The following NLGN4X variants were observed in gnomAD, a reference collection of about 807,000 sequenced individuals.
The protein encoded by NLGN4X is neuroligin-4, X-linked.
Under a neutral mutation model 40.3 loss-of-function variants are expected in NLGN4X, and 3 were observed. The observed-to-expected ratio is 0.07, with a 90% confidence interval of 0.03 to 0.19. NLGN4X has a LOEUF of 0.19. Ranked by LOEUF, NLGN4X falls within the 10% of genes least tolerant of loss-of-function variation. The probability of loss-of-function intolerance (pLI) is 1.00; values close to 1 mark genes in which losing one functional copy is unlikely to be tolerated. For synonymous variants in NLGN4X, 270 were observed against 306.8 expected, an observed-to-expected ratio of 0.88 and a Z score of 1.25; for missense variants, 382 against 708.3, an observed-to-expected ratio of 0.54 and a Z score of 5.23.
chrX:6,188,717 T>C (rs769216787), intron 1 of NLGN4X, among the ~76,000 whole-genome samples: 4 of 111,781 alleles, frequency 3.6e-5, no homozygotes, highest in South Asian at 3.7e-4. Context: ...CCTAGAATTA[T>C]CCTGATCATC....
At chrX:6,054,870 C>T in intron 2 of NLGN4X, among the ~76,000 whole-genome samples, 1 of 111,529 alleles carries the variant, frequency 9.0e-6, no homozygotes. Context: ...GTTGGTCAGG[C>T]TAGTCTCGAA....
At chrX:6,127,122 G>A (rs186853577) in intron 2 of NLGN4X, among the ~76,000 whole-genome samples, 43 of 111,284 alleles carry the variant, frequency 3.9e-4, no homozygotes, top group Admixed American at 2.4e-3. Flanking sequence ...CAGGTAATCC[G>A]GAGGGCAGAA....
intron 1 of NLGN4X, among the ~76,000 whole-genome samples, chrX:6,208,884 C>G (rs1569299583): frequency 1.8e-5 from 2 of 111,890 alleles, no homozygotes; most frequent in African/African-American, 3.2e-5. Context: ...TACTGGGTAT[C>G]TACGCAAATA....
intron 1 of NLGN4X, among the ~76,000 whole-genome samples, chrX:6,213,120 C>T (rs1207139732): frequency 9.3e-6 from 1 of 107,342 alleles, no homozygotes; most frequent in Non-Finnish European, 1.9e-5. Context: ...AGAAAAGTGA[C>T]AAACTCTCTG....
chrX:6,123,993 A>AAAGATATATTT (rs1007919534), intron 2 of NLGN4X, among the ~76,000 whole-genome samples: 2 of 111,272 alleles, frequency 1.8e-5, no homozygotes, highest in African/African-American at 6.5e-5. Flanking sequence ...ATATTGTTGA[A>AAAGATATATTT]AAGATATATT....
At chrX:6,095,842 T>G (rs192472165) in intron 2 of NLGN4X, among the ~76,000 whole-genome samples, 10 of 111,914 alleles carry the variant, frequency 8.9e-5, no homozygotes, top group Admixed American at 1.9e-4. Context: ...AGTGCTAATG[T>G]GGACAAACCC....
At chrX:5,965,840 A>G (rs1037442238) in intron 3 of NLGN4X, among the ~76,000 whole-genome samples, 10 of 112,192 alleles carry the variant, frequency 8.9e-5, no homozygotes, top group African/African-American at 2.6e-4. Context: ...CAACATATAT[A>G]TAAGTGGTTG....
intron 3 of NLGN4X, among the ~76,000 whole-genome samples, chrX:5,992,906 A>G (rs1486144208): frequency 9.0e-6 from 1 of 111,513 alleles, no homozygotes; most frequent in Non-Finnish European, 1.9e-5. Flanking sequence ...AATGACCCAA[A>G]TGCCTCCCAC....
At chrX:6,103,546 T>C (rs999049099) in intron 2 of NLGN4X, among the ~76,000 whole-genome samples, 1 of 112,124 alleles carries the variant, frequency 8.9e-6, no homozygotes, top group Non-Finnish European at 1.9e-5. Flanking sequence ...TATTACTACA[T>C]AACAACATCT....
intron 1 of NLGN4X, among the ~76,000 whole-genome samples, chrX:6,188,132 T>A: frequency 8.9e-6 from 1 of 112,205 alleles, no homozygotes; most frequent in Non-Finnish European, 1.9e-5. Context: ...CCCTGGTGTT[T>A]CCATGTATCC....
intron 3 of NLGN4X, among the ~76,000 whole-genome samples, chrX:5,928,479 C>T (rs1048728992): frequency 2.7e-5 from 3 of 111,705 alleles, no homozygotes; most frequent in South Asian, 3.7e-4. Flanking sequence ...TCTTTTCCAG[C>T]GGAGGGGAGG....
chrX:6,043,096 TCAAA>T (rs199978461), intron 2 of NLGN4X, among the ~76,000 whole-genome samples: 1,858 of 97,445 alleles, frequency 0.019, 45 homozygotes, highest in African/African-American at 0.065. Flanking sequence ...AACAAAACCA[TCAAA>T]CAAACAAAAC....
intron 3 of NLGN4X, among the ~76,000 whole-genome samples, chrX:5,959,711 G>C (rs1484619506): frequency 8.9e-6 from 1 of 111,742 alleles, no homozygotes; most frequent in African/African-American, 3.3e-5. Context: ...GACATCACAG[G>C]ATGGATGGGG....
At chrX:6,154,149 T>C (rs2040216293) in intron 1 of NLGN4X, among the ~76,000 whole-genome samples, 1 of 111,924 alleles carries the variant, frequency 8.9e-6, no homozygotes, top group South Asian at 3.8e-4. Flanking sequence ...CACTAGATGA[T>C]AGTGGCACCT....
At chrX:5,987,651 C>T (rs2035566888) in intron 3 of NLGN4X, among the ~76,000 whole-genome samples, 1 of 112,348 alleles carries the variant, frequency 8.9e-6, no homozygotes, top group South Asian at 3.7e-4. Context: ...TTTGTGGTTT[C>T]TAATGGTTGT....
chrX:5,947,661 G>A (rs2034172818), intron 3 of NLGN4X, among the ~76,000 whole-genome samples: 1 of 111,885 alleles, frequency 8.9e-6, no homozygotes, highest in African/African-American at 3.2e-5. Flanking sequence ...TGGTAACAGA[G>A]GATCTGTGCC....
At chrX:5,965,547 C>T (rs978879971) in intron 3 of NLGN4X, among the ~76,000 whole-genome samples, 5 of 112,031 alleles carry the variant, frequency 4.5e-5, no homozygotes, top group Non-Finnish European at 9.4e-5. Flanking sequence ...ACTGTCAAGA[C>T]ACATTTATTC....
chrX:6,049,993 C>A (rs1408248540), intron 2 of NLGN4X, among the ~76,000 whole-genome samples: 3 of 111,213 alleles, frequency 2.7e-5, no homozygotes, highest in African/African-American at 9.8e-5. Flanking sequence ...ATCCTTTCAG[C>A]GCCAGGTAAA....
chrX:6,198,837 C>T (rs916924319), intron 1 of NLGN4X, among the ~76,000 whole-genome samples: 1 of 111,571 alleles, frequency 9.0e-6, no homozygotes, highest in Admixed American at 9.6e-5. Flanking sequence ...TCTGACAACA[C>T]TGATGACTAA....
Sources: gnomAD v4.1 joint callset for allele counts (sites outside exome capture counted in the v4.1 genomes callset) on GRCh38, gnomAD v4.1.1 for gene constraint, MANE v1.5 for transcripts, NCBI Gene and HGNC (gene_info 2026-07-23, HGNC 2026-07-21) for gene names.